The following SEM1 variants were observed in gnomAD, a reference collection of about 807,000 sequenced individuals.
SEM1 encodes the protein 26S proteasome complex subunit SEM1.
In SEM1, 3 loss-of-function variants were observed where a neutral mutation model predicts 12.7. The ratio of observed to expected loss-of-function variants is 0.24; its 90% CI spans 0.11 to 0.61. SEM1 has a LOEUF of 0.61. Among genes scored for constraint, SEM1 ranks in the 20% least tolerant of loss-of-function variants. The pLI is 0.88. For synonymous variants in SEM1, 30 were observed against 27.8 expected, an observed-to-expected ratio of 1.08 and a Z score of -0.25; for missense variants, 59 against 81.3, an observed-to-expected ratio of 0.73 and a Z score of 1.06.
At chr7:96,554,037 A>C (rs904873907) in intron 2 of SEM1, among the ~76,000 whole-genome samples, 26 of 151,710 alleles carry the variant, frequency 1.7e-4, no homozygotes, top group African/African-American at 6.3e-4. Flanking sequence ...ATTTTTGTAC[A>C]TTGATTTTGT....
At chr7:96,671,874 C>T (rs1027912814), downstream of SEM1, among the ~76,000 whole-genome samples, 1 of 152,158 alleles carries the variant, frequency 6.6e-6, no homozygotes, top group Non-Finnish European at 1.5e-5. Context: ...GCTTTAGATT[C>T]ACAGTGTAAA....
intron 1 of SEM1, chr7:96,695,748 G>A (rs1790075838): frequency 6.6e-6 from 1 of 151,926 alleles, no homozygotes; most frequent in African/African-American, 2.4e-5. Flanking sequence ...AAGGTTCTAA[G>A]ACAACAAGCA....
downstream of SEM1, chr7:96,621,683 A>G (rs532899946): frequency 4.6e-5 from 7 of 152,364 alleles, 1 homozygote; most frequent in South Asian, 1.4e-3. Flanking sequence ...ATCAGACATT[A>G]CCGAATACAT....
intron 2 of SEM1, among the ~76,000 whole-genome samples, chr7:96,516,504 G>T (rs935269946): frequency 1.3e-5 from 2 of 152,112 alleles, no homozygotes; most frequent in Non-Finnish European, 2.9e-5. Context: ...TATATTACCA[G>T]GGAAGTGTAA....
At chr7:96,588,386 ACACACACACACG>A (rs1425223932) in intron 2 of SEM1, among the ~76,000 whole-genome samples, 1 of 70,154 alleles carries the variant, frequency 1.4e-5, no homozygotes, top group African/African-American at 4.6e-5. Flanking sequence ...ACACACACAC[ACACACACACACG>A]AGAGAGAGAG....
chr7:96,583,013 A>G (rs1432449513), intron 2 of SEM1, among the ~76,000 whole-genome samples: 1 of 152,114 alleles, frequency 6.6e-6, no homozygotes, highest in Non-Finnish European at 1.5e-5. Context: ...GCCTTCTGCT[A>G]TCTTTTGAAT....
chr7:96,525,600 G>C (rs4448201), intron 2 of SEM1, among the ~76,000 whole-genome samples: 106,576 of 151,924 alleles, frequency 0.7, 37,713 homozygotes, highest in East Asian at 0.86. Context: ...TTCATTTGAT[G>C]TTTGGTAGGG....
rs1199267981 is a variant in SEM1, at chr7:96,555,805, T to A, written c.171-49107A>T. 2.0e-5 allele frequency among the ~76,000 whole-genome samples: 3 copies of A among 148,700 alleles called. No homozygotes were observed. In the East Asian group the frequency reaches 6.0e-4, roughly 30 times the overall value. ...GACAGTGGGGTGTTAAAGTCTCCCA[T>A]TATTAACGTGTGGGAGTCTAAGTCT... On this transcript the variant is annotated intron_variant and NMD_transcript_variant, in intron 2 of 3. Transcript: ENST00000466986.
At chr7:96,695,517 C>T (rs7341387) in intron 1 of SEM1, 50,306 of 151,548 alleles carry the variant, frequency 0.33, 9,812 homozygotes, top group African/African-American at 0.55. Context: ...AAAGTACGTA[C>T]GTATTACCAC....
At chr7:96,578,340 G>A (rs185393729) in intron 2 of SEM1, among the ~76,000 whole-genome samples, 23 of 151,222 alleles carry the variant, frequency 1.5e-4, no homozygotes, top group Non-Finnish European at 3.1e-4. Context: ...AAAGAAAAGA[G>A]AGATTCTTAA....
Position 96,709,844 on chromosome 7 carries a change from A to C in SEM1, c.-81T>G. 1.5e-6 allele frequency: 2 copies of C among 1,316,300 alleles called. No homozygotes were observed. The highest frequency in any genetic ancestry group is 1.2e-5 in the South Asian group (1 of 84,056). The allele number at this position is 1,316,300 out of a possible 1,614,324, so 81.5% of individuals were successfully genotyped here. On this transcript the variant is annotated 5_prime_UTR_variant, in exon 1 of 3. Transcript: ENST00000248566. ...TCTTCCTCAAGGAAACGCCACCGTC[A>C]CTACCGCCTCCGACGCTGACGCTAC...
chr7:96,708,831 T>C (rs574369007), intron 1 of SEM1, among the ~76,000 whole-genome samples: 38 of 152,284 alleles, frequency 2.5e-4, no homozygotes, highest in Non-Finnish European at 2.2e-4. Context: ...AAGTGGAATA[T>C]GCTATTACAA....
At position 96,515,268 on chromosome 7, in the gene SEM1, T is replaced by TG. The variant is rs200145634; in HGVS notation, c.171-8571dup. Among the ~76,000 whole-genome samples, 238 of 152,190 alleles carry TG rather than the reference T, an allele frequency of 1.6e-3. 6 individuals carry two copies. In the East Asian group the frequency reaches 0.043, roughly 27 times the overall value. On this transcript the variant is annotated intron_variant and NMD_transcript_variant, in intron 2 of 3. Transcript: ENST00000466986. The stretch of plus-strand genomic sequence containing the variant: ...GACATTTATGCAGCCAACAGACATA[T>TG]GAAAAAATGGTCATCATCACTGGTC...
intron 2 of SEM1, among the ~76,000 whole-genome samples, chr7:96,530,927 C>T (rs944549970): frequency 6.6e-6 from 1 of 151,950 alleles, no homozygotes; most frequent in Non-Finnish European, 1.5e-5. Flanking sequence ...ACATGATCAT[C>T]ATGAGAGGAA....
intron 2 of SEM1, among the ~76,000 whole-genome samples, chr7:96,666,566 C>T (rs1029389431): frequency 2.6e-5 from 4 of 151,826 alleles, no homozygotes; most frequent in African/African-American, 7.3e-5. Flanking sequence ...TTACTTGGTA[C>T]CCTTGTTTCA....
chr7:96,519,331 A>G (rs751507130), intron 2 of SEM1, among the ~76,000 whole-genome samples: 7 of 152,160 alleles, frequency 4.6e-5, no homozygotes, highest in Admixed American at 2.6e-4. Context: ...TCAGTGAACA[A>G]TAAAAACCCA....
At chr7:96,570,112 T>C (rs1337175554) in intron 2 of SEM1, among the ~76,000 whole-genome samples, 1 of 152,096 alleles carries the variant, frequency 6.6e-6, no homozygotes, top group Non-Finnish European at 1.5e-5. Flanking sequence ...CTATTTTCCA[T>C]AAAGACTGTA....
chr7:96,612,809 G>A (rs181767942), intron 2 of SEM1, among the ~76,000 whole-genome samples: 67 of 152,168 alleles, frequency 4.4e-4, no homozygotes, highest in Non-Finnish European at 9.0e-4. Flanking sequence ...CTAATTTTTT[G>A]TATTTTTAGT....
At chr7:96,599,922 T>C (rs1468621379) in intron 2 of SEM1, among the ~76,000 whole-genome samples, 2 of 151,644 alleles carry the variant, frequency 1.3e-5, no homozygotes, top group Non-Finnish European at 3.0e-5. Flanking sequence ...TAAGAACATG[T>C]TAGCTTATCT....
Sources: allele counts gnomAD v4.1 joint callset (sites outside exome capture counted in the v4.1 genomes callset), GRCh38; gene constraint gnomAD v4.1.1; transcripts MANE v1.5; gene names NCBI Gene and HGNC (gene_info 2026-07-23, HGNC 2026-07-21).